LRRC8D: variants seen among roughly 807,000 people sequenced by gnomAD.
LRRC8D encodes the protein leucine rich repeat containing 8 VRAC subunit D, also known as volume-regulated anion channel subunit LRRC8D.
In LRRC8D, 20 loss-of-function variants were observed where a neutral mutation model predicts 55.8. The ratio of observed to expected loss-of-function variants is 0.36; its 90% confidence interval spans 0.25 to 0.52. The LOEUF (loss-of-function observed/expected upper bound fraction) is 0.52. Among genes scored for constraint, LRRC8D ranks in the 20% least tolerant of loss-of-function variants. The pLI is 0.93. For missense variants in LRRC8D, 651 were observed against 1,030.8 expected, an observed-to-expected ratio of 0.63 and a Z score of 5.05; for synonymous variants, 352 against 377.0, an observed-to-expected ratio of 0.93 and a Z score of 0.77.
intron 1 of LRRC8D, among the ~76,000 whole-genome samples, chr1:89,830,444 T>C (rs1011138800): frequency 6.6e-6 from 1 of 152,222 alleles, no homozygotes; most frequent in Non-Finnish European, 1.5e-5. Context: ...TTCTAAATTC[T>C]TTTCCTTATA....
intron 1 of LRRC8D, 44 bp from the exon 2 acceptor site, chr1:89,843,594 C>T (rs977311954): frequency 7.2e-6 from 5 of 693,512 alleles, no homozygotes; most frequent in Admixed American, 6.1e-5. Flanking sequence ...GCTGCCGACA[C>T]TTGGATCTCT....
At chr1:89,882,167 G>C (rs1295852666) in intron 2 of LRRC8D, among the ~76,000 whole-genome samples, 2 of 152,232 alleles carry the variant, frequency 1.3e-5, no homozygotes, top group Non-Finnish European at 2.9e-5. Flanking sequence ...GCAGTTGTTT[G>C]AGAAACAAGT....
intron 2 of LRRC8D, among the ~76,000 whole-genome samples, chr1:89,920,580 C>T (rs959367138): frequency 6.6e-6 from 1 of 151,424 alleles, no homozygotes; most frequent in Non-Finnish European, 1.5e-5. Flanking sequence ...GGGAGTGACA[C>T]CAGTGACTTA....
At chr1:89,839,200 A>G (rs192287691) in intron 1 of LRRC8D, among the ~76,000 whole-genome samples, 274 of 152,346 alleles carry the variant, frequency 1.8e-3, no homozygotes, top group Non-Finnish European at 3.5e-3. Context: ...ACACATTAAT[A>G]ATGACACCTC....
Position 89,821,190 on chromosome 1 carries a change from CCGCCCCGG to C in LRRC8D, c.-245_-238del, listed in dbSNP as rs1660620270. On this transcript the variant is annotated 5_prime_UTR_variant, in exon 1 of 3. It removes the in-frame stop codon of an upstream open reading frame in the 5' UTR. Coordinates refer to ENST00000337338, the MANE Select transcript of LRRC8D (RefSeq NM_001134479.2). ...GGGTCCAGGGTGCAGCGCGCCTTCGCCGCCCCGGCGCGTCCCGGTGCAGCCGCCGCCCG... is the reference window on the plus strand; with the variant it reads ...GGGTCCAGGGTGCAGCGCGCCTTCGCCGCGTCCCGGTGCAGCCGCCGCCCG... 6.6e-6 allele frequency: 1 copy of C among 152,094 alleles called. No individual in the cohort carries two copies. Among genetic ancestry groups the C allele is most frequent in the African/African-American group, 2.4e-5 (1 of 41,344 alleles). 9.4% of individuals were successfully genotyped at this position (152,094 alleles called of 1,614,324 possible).
chr1:89,835,877 A>G (rs1660994996), intron 1 of LRRC8D, among the ~76,000 whole-genome samples: 1 of 152,232 alleles, frequency 6.6e-6, no homozygotes, highest in South Asian at 2.1e-4. Context: ...TCGCGTATTG[A>G]GGGCTTCACC....
chr1:89,925,114 G>A (rs1663524659), intron 2 of LRRC8D, among the ~76,000 whole-genome samples: 1 of 152,188 alleles, frequency 6.6e-6, no homozygotes, highest in Non-Finnish European at 1.5e-5. Context: ...ACTCCCCATT[G>A]TTGACATTAC....
chr1:89,902,488 T>C (rs991529006), intron 2 of LRRC8D, among the ~76,000 whole-genome samples: 1 of 152,174 alleles, frequency 6.6e-6, no homozygotes, highest in East Asian at 1.9e-4. Context: ...AATGACCAAG[T>C]TGAGTCCCTG....
In LRRC8D at chr1:89,884,062, C is replaced by T. The variant is rs115977988; in HGVS notation, c.-3+40280C>T. On this transcript the variant is annotated intron_variant, in intron 2 of 2. Transcript: ENST00000337338. ...AGAAAGCAAACCAGCTAGGTTAGAGCGTGTTTCATGTTAACCTTTTTTTCC... is the reference window on the plus strand; with the variant it reads ...AGAAAGCAAACCAGCTAGGTTAGAGTGTGTTTCATGTTAACCTTTTTTTCC... 9.8e-3 allele frequency among the ~76,000 whole-genome samples: 1,495 copies of T among 152,266 alleles called. 20 individuals carry two copies. Among genetic ancestry groups the T allele is most frequent in the African/African-American group, 0.034 (1,424 of 41,542 alleles).
intron 2 of LRRC8D, among the ~76,000 whole-genome samples, chr1:89,877,718 C>T (rs1054025436): frequency 2.0e-5 from 3 of 152,156 alleles, no homozygotes; most frequent in Non-Finnish European, 2.9e-5. Flanking sequence ...GGGTCCAGCA[C>T]GTGACATACA....
chr1:89,876,387 T>C (rs1229137698), intron 2 of LRRC8D, among the ~76,000 whole-genome samples: 1 of 152,214 alleles, frequency 6.6e-6, no homozygotes, highest in Non-Finnish European at 1.5e-5. Flanking sequence ...AATCAGGCTT[T>C]GCAGATGGGG....
intron 2 of LRRC8D, chr1:89,846,747 A>G (rs752737874): frequency 6.6e-6 from 1 of 151,960 alleles, no homozygotes; most frequent in Non-Finnish European, 1.5e-5. Flanking sequence ...CTGTGTTTGC[A>G]CCAGTGTGAT....
At chr1:89,856,419 TAAAG>T (rs1481610545) in intron 2 of LRRC8D, among the ~76,000 whole-genome samples, 2 of 152,196 alleles carry the variant, frequency 1.3e-5, no homozygotes, top group Non-Finnish European at 2.9e-5. Flanking sequence ...GAGGTTATTT[TAAAG>T]AAAGAAAGTA....
chr1:89,849,490 CTT>C lies in LRRC8D; in HGVS notation c.-3+5721_-3+5722del, dbSNP rs34110970. Among the ~76,000 whole-genome samples the C allele has an allele frequency of 6.7e-3, 979 of 146,324 alleles. 10 individuals are homozygous for C. The highest frequency in any genetic ancestry group is 0.031 in the Middle Eastern group (9 of 286). ...TATCTCCACCAATACTGCATAATGC[CTT>C]TTTTTTTTTTTTAAACAAATTTCCT... On this transcript the variant is annotated intron_variant, in intron 2 of 2. Coordinates refer to ENST00000337338, the MANE Select transcript of LRRC8D (RefSeq NM_001134479.2).
chr1:89,922,648 TTTA>T, intron 2 of LRRC8D, among the ~76,000 whole-genome samples: 1 of 152,252 alleles, frequency 6.6e-6, no homozygotes, highest in Non-Finnish European at 1.5e-5. Flanking sequence ...TGAGGTGGTT[TTTA>T]TTATTAAGAT....
chr1:89,844,633 C>T (rs1240203576), intron 2 of LRRC8D, among the ~76,000 whole-genome samples: 1 of 152,196 alleles, frequency 6.6e-6, no homozygotes, highest in Non-Finnish European at 1.5e-5. Context: ...ACTTCCACAT[C>T]GTGTTCCATC....
chr1:89,880,634 G>C (rs560661560), intron 2 of LRRC8D, among the ~76,000 whole-genome samples: 84 of 152,182 alleles, frequency 5.5e-4, no homozygotes, highest in South Asian at 5.4e-3. Context: ...ATCTAAATCA[G>C]AAAATAGAAT....
intron 2 of LRRC8D, among the ~76,000 whole-genome samples, chr1:89,860,555 C>T (rs967469225): frequency 6.6e-5 from 10 of 151,010 alleles, no homozygotes; most frequent in African/African-American, 2.2e-4. Flanking sequence ...GTCAAGAGAT[C>T]GAGACCATCC....
chr1:89,850,133 A>G (rs1304684337), intron 2 of LRRC8D, among the ~76,000 whole-genome samples: 2 of 152,196 alleles, frequency 1.3e-5, no homozygotes, highest in Admixed American at 1.3e-4. Flanking sequence ...CTATTTGCCA[A>G]CTAGTACATT....
Sources: gnomAD v4.1 joint callset for allele counts (sites outside exome capture counted in the v4.1 genomes callset) on GRCh38, gnomAD v4.1.1 for gene constraint, MANE v1.5 for transcripts, NCBI Gene and HGNC (gene_info 2026-07-23, HGNC 2026-07-21) for gene names.